Variants in CDYL2 observed in about 807,000 individuals in gnomAD.
The protein encoded by CDYL2 is chromodomain Y-like protein 2.
In CDYL2, 23 loss-of-function variants were observed where a neutral mutation model predicts 49.4. That is an observed-to-expected ratio of 0.47 (90% confidence interval 0.34 to 0.66). CDYL2 has a LOEUF of 0.66. Ranked by LOEUF, CDYL2 falls within the 30% of genes least tolerant of loss-of-function variation. CDYL2 has a pLI of 0.01. For missense variants in CDYL2, 678 were observed against 656.4 expected (o/e 1.03, Z -0.36); for synonymous variants, 360 against 268.8 (o/e 1.34, Z -3.32).
chr16:80,679,635 C>A (rs1045831593), intron 2 of CDYL2: 1 of 454,080 alleles, frequency 2.2e-6, no homozygotes, highest in African/African-American at 2.0e-5. Flanking sequence ...AAACTTTCAA[C>A]CTTACAGCTT....
chr16:80,717,317 T>A lies in CDYL2; in HGVS notation c.25-32188A>T, dbSNP rs145688364. The stretch of plus-strand genomic sequence containing the variant: ...CCTTGTATGTCCTCTATGACGATCT[T>A]GAATTATCACCAGTTCTCTTTCCTA... On this transcript the variant is annotated intron_variant, in intron 1 of 6. Coordinates refer to ENST00000570137, the MANE Select transcript of CDYL2 (RefSeq NM_152342.4). Among the ~76,000 whole-genome samples, 4 of 152,324 alleles carry A rather than the reference T, an allele frequency of 2.6e-5. No individual in the cohort carries two copies. In the East Asian group the frequency reaches 7.7e-4, roughly 29 times the overall value.
chr16:80,713,084 A>G (rs112437007), intron 1 of CDYL2, among the ~76,000 whole-genome samples: 15 of 152,272 alleles, frequency 9.9e-5, no homozygotes, highest in African/African-American at 3.1e-4. Context: ...TTACTTATAC[A>G]AGAATATCCC....
chr16:80,708,819 CA>C (rs1904492415), intron 1 of CDYL2, among the ~76,000 whole-genome samples: 1 of 152,034 alleles, frequency 6.6e-6, no homozygotes, highest in South Asian at 2.1e-4. Flanking sequence ...TTCTCAGTTC[CA>C]AAGCATCGAG....
rs1220504766 is a variant in CDYL2, at chr16:80,633,250, A to G, written c.617-14T>C. 1.2e-6 allele frequency: 2 copies of G among 1,607,252 alleles called. No homozygotes were observed. Among genetic ancestry groups the G allele is most frequent in the South Asian group, 1.1e-5 (1 of 90,938 alleles). On this transcript the variant is annotated splice_polypyrimidine_tract_variant and intron_variant, in intron 2 of 6. Coordinates refer to ENST00000570137, the MANE Select transcript of CDYL2 (RefSeq NM_152342.4). ...TCAGAGCAGAGCCTTCCAAAACCAG[A>G]TAAACAATGTAAGAAACTGAAATGG...
At chr16:80,766,074 G>C (rs1462594466) in intron 1 of CDYL2, among the ~76,000 whole-genome samples, 1 of 151,926 alleles carries the variant, frequency 6.6e-6, no homozygotes, top group Non-Finnish European at 1.5e-5. Flanking sequence ...TTGGAGCTAA[G>C]GGATGAGGAG....
chr16:80,628,654 T>C (rs1463065285), intron 3 of CDYL2, among the ~76,000 whole-genome samples: 2 of 147,380 alleles, frequency 1.4e-5, no homozygotes, highest in Non-Finnish European at 2.9e-5. Flanking sequence ...AAATGCTAAG[T>C]TTAAAACAAT....
intron 1 of CDYL2, among the ~76,000 whole-genome samples, chr16:80,734,935 T>C (rs940905382): frequency 2.0e-5 from 3 of 152,194 alleles, no homozygotes; most frequent in African/African-American, 7.2e-5. Flanking sequence ...TGCCCCTCCA[T>C]TCAAAGGCTT....
At chr16:80,783,485 C>G (rs1907337948) in intron 1 of CDYL2, among the ~76,000 whole-genome samples, 1 of 152,130 alleles carries the variant, frequency 6.6e-6, no homozygotes. Flanking sequence ...AACTCAGCAA[C>G]CACCCCTACC....
intron 2 of CDYL2, among the ~76,000 whole-genome samples, chr16:80,635,467 C>A (rs138055937): frequency 4.9e-4 from 74 of 152,178 alleles, no homozygotes; most frequent in Non-Finnish European, 9.0e-4. Flanking sequence ...TTCACAATTG[C>A]TACAAAGAGA....
chr16:80,762,453 G>A (rs1026595143), intron 1 of CDYL2, among the ~76,000 whole-genome samples: 4 of 152,240 alleles, frequency 2.6e-5, no homozygotes, highest in Admixed American at 1.3e-4. Context: ...GCCTGAACAC[G>A]GTGGGCAACG....
In CDYL2 at chr16:80,804,224, C is replaced by T. The variant is rs1335632923; in HGVS notation, c.-51G>A. 1.7e-5 allele frequency: 23 copies of T among 1,333,660 alleles called. No individual in the cohort carries two copies. The highest frequency in any genetic ancestry group is 5.3e-5 in the Admixed American group (2 of 37,582). The allele number at this position is 1,333,660 out of a possible 1,614,324, so 82.6% of individuals were successfully genotyped here. On this transcript the variant is annotated 5_prime_UTR_variant, in exon 1 of 7. Coordinates refer to ENST00000570137, the MANE Select transcript of CDYL2 (RefSeq NM_152342.4). ...GGTGTGCGCGTCTGCTCGCTCGCGC[C>T]CTCCGTGCGTGTGCGCGCGGGGTCC... is the stretch of plus-strand genomic sequence containing the variant.
At chr16:80,802,188 C>G (rs1225595170) in intron 1 of CDYL2, among the ~76,000 whole-genome samples, 2 of 152,096 alleles carry the variant, frequency 1.3e-5, no homozygotes, top group South Asian at 2.1e-4. Flanking sequence ...GAAATTATCC[C>G]CAGAAGGTTC....
chr16:80,700,701 A>T (rs1212578495), intron 1 of CDYL2, among the ~76,000 whole-genome samples: 1 of 152,220 alleles, frequency 6.6e-6, no homozygotes, highest in Non-Finnish European at 1.5e-5. Context: ...AGCATATGTA[A>T]ATGGATATAC....
chr16:80,619,129 C>A (rs1472376864), intron 4 of CDYL2, among the ~76,000 whole-genome samples: 1 of 152,160 alleles, frequency 6.6e-6, no homozygotes, highest in African/African-American at 2.4e-5. Flanking sequence ...ACTCTACGCT[C>A]TCCCTTTCTG....
intron 1 of CDYL2, among the ~76,000 whole-genome samples, chr16:80,753,486 T>C (rs1388552902): frequency 6.6e-6 from 1 of 152,062 alleles, no homozygotes; most frequent in Non-Finnish European, 1.5e-5. Context: ...CGCATGCCTG[T>C]AATCCCAGCT....
chr16:80,694,969 T>G (rs1173233734), intron 1 of CDYL2, among the ~76,000 whole-genome samples: 1 of 152,190 alleles, frequency 6.6e-6, no homozygotes, highest in Non-Finnish European at 1.5e-5. Flanking sequence ...CAGAACAAAA[T>G]TAAGCAACAT....
At chr16:80,784,459 T>C (rs1352633082) in intron 1 of CDYL2, among the ~76,000 whole-genome samples, 1 of 152,222 alleles carries the variant, frequency 6.6e-6, no homozygotes, top group Admixed American at 6.5e-5. Flanking sequence ...GAAGTGAACT[T>C]TGCTGATGAA....
chr16:80,766,604 T>C (rs1906733864), intron 1 of CDYL2, among the ~76,000 whole-genome samples: 1 of 152,194 alleles, frequency 6.6e-6, no homozygotes, highest in Non-Finnish European at 1.5e-5. Context: ...CTACTCTTAC[T>C]CAACTCCCTT....
intron 1 of CDYL2, among the ~76,000 whole-genome samples, chr16:80,793,314 T>C (rs1392481879): frequency 6.6e-6 from 1 of 152,176 alleles, no homozygotes; most frequent in Admixed American, 6.5e-5. Context: ...CTCAATCCAG[T>C]CCTAACCTGT....
Sources: allele counts gnomAD v4.1 joint callset (sites outside exome capture counted in the v4.1 genomes callset), GRCh38; gene constraint gnomAD v4.1.1; transcripts MANE v1.5; gene names NCBI Gene and HGNC (gene_info 2026-07-23, HGNC 2026-07-21).